Variants in RRP1B observed in about 807,000 individuals in gnomAD.
RRP1B encodes ribosomal RNA processing 1B, also known as ribosomal RNA processing protein 1 homolog B.
A neutral mutation model predicts 80.2 loss-of-function variants in RRP1B; 56 were observed. That is an observed-to-expected ratio of 0.70 (90% CI 0.56 to 0.87). The LOEUF is 0.87. Ranked by LOEUF, RRP1B falls within the 40% of genes least tolerant of loss-of-function variation. The pLI, the probability that RRP1B is intolerant of heterozygous loss-of-function variation, is 0.00. For missense variants in RRP1B, 807 were observed against 939.8 expected (o/e 0.86, Z 1.85); for synonymous variants, 351 against 357.6 (o/e 0.98, Z 0.21).
Position 43,659,990 on chromosome 21 carries a change from G to C in RRP1B, c.130+196G>C, listed in dbSNP as rs2082943457. ...TTACACTTAAGGAAACGGGTTGAGG[G>C]GGTTCCGTTACTTATGAAAGTCACA... is the stretch of plus-strand genomic sequence containing the variant. On this transcript the variant is annotated intron_variant, in intron 1 of 15. Transcript: ENST00000340648. The surrounding 1 kb of genome is among the most constrained non-coding windows in gnomAD (Gnocchi z 4.2). Among the ~76,000 whole-genome samples the C allele has an allele frequency of 6.6e-6, 1 of 152,236 alleles. No homozygotes were observed. The highest frequency in any genetic ancestry group is 1.5e-5 in the Non-Finnish European group (1 of 68,046).
At chr21:43,682,495 G>A (rs2083047309) in intron 8 of RRP1B, among the ~76,000 whole-genome samples, 1 of 152,222 alleles carries the variant, frequency 6.6e-6, no homozygotes, top group Non-Finnish European at 1.5e-5. Context: ...ATATTGACTT[G>A]TGCTTCCTGA....
rs1332492737 is a variant in RRP1B, at chr21:43,669,879, T to C, written c.131-5T>C. 1.9e-6 allele frequency: 3 copies of C among 1,610,002 alleles called. No individual in the cohort carries two copies. The highest frequency in any genetic ancestry group is 1.7e-6 in the Non-Finnish European group (2 of 1,176,744). On this transcript the variant is annotated splice_region_variant and splice_polypyrimidine_tract_variant and intron_variant, in intron 1 of 15. Coordinates refer to ENST00000340648, the MANE Select transcript of RRP1B (RefSeq NM_015056.3). ...CTAAGATGTTTGTATTGTTTTGCCT[T>C]CCAGGAGGTTTCAGTCAGGAAGAAC...
In RRP1B at chr21:43,659,910, G is replaced by A. The variant is rs1340612756; in HGVS notation, c.130+116G>A. The A allele has an allele frequency of 1.7e-6, 2 of 1,175,442 alleles. No individual in the cohort carries two copies. Among genetic ancestry groups the A allele is most frequent in the Non-Finnish European group, 1.1e-6 (1 of 898,656 alleles). The allele number at this position is 1,175,442 out of a possible 1,614,324, so 72.8% of individuals were successfully genotyped here. A position where few individuals can be genotyped will look rare whatever the true frequency, so the allele number is the denominator to read the frequency against. On this transcript the variant is annotated intron_variant, in intron 1 of 15. Transcript: ENST00000340648. The surrounding 1 kb of genome is among the most constrained non-coding windows in gnomAD (Gnocchi z 4.2). The stretch of plus-strand genomic sequence containing the variant: ...TCCACGTGTTGTCGTGACACCCAGC[G>A]TGTGCTTCGGTTTCCGCGCTGCCGG...
rs1450465894 is a variant in RRP1B at position 43,673,900 on chromosome 21, C to T, written c.302C>T (p.Thr101Ile). Residue 101 changes from threonine (T) to isoleucine (I), a missense_variant, in exon 4 of 16, where the codon ACC (threonine) becomes ATC (isoleucine). Coordinates refer to ENST00000340648, the MANE Select transcript of RRP1B (RefSeq NM_015056.3). ...QHLFIQTFWQ[T>I]MNREWKGIDR... ...CTGTTCATTCAGACCTTTTGGCAAA[C>T]CATGAATCGAGAATGGAAAGGAATA... 1.2e-6 allele frequency: 2 copies of T among 1,613,534 alleles called. No individual in the cohort carries two copies. Among genetic ancestry groups the T allele is most frequent in the Non-Finnish European group, 1.7e-6 (2 of 1,179,752 alleles).
chr21:43,690,353 G>A lies in RRP1B; in HGVS notation c.1932G>A (p.Lys644=), dbSNP rs774082800. The change falls in exon 14 of 16, where the codon AAG becomes AAA. Residue 644 remains lysine, a synonymous_variant. Coordinates refer to ENST00000340648, the MANE Select transcript of RRP1B (RefSeq NM_015056.3). ...QKLRAESDFV[K]FDTPFLPKPL... ...TGAGGGCAGAGAGCGACTTTGTGAA[G>A]TTTGACACCCCCTTCTTACCAAAGC... 137 of 1,614,230 alleles carry A rather than the reference G, an allele frequency of 8.5e-5. No individual in the cohort carries two copies. Among genetic ancestry groups the A allele is most frequent in the Middle Eastern group, 4.9e-4 (3 of 6,062 alleles).
In RRP1B at chr21:43,691,292, T is replaced by G. The variant is rs1436164702; in HGVS notation, c.2020-147T>G. The stretch of plus-strand genomic sequence containing the variant: ...GGGTCGGTTTCAGTCTTGGCCGCAG[T>G]CCCTTTGGCCTCTCCCTATATGTGC... On this transcript the variant is annotated intron_variant, in intron 14 of 15. Coordinates refer to ENST00000340648, the MANE Select transcript of RRP1B (RefSeq NM_015056.3). The surrounding 1 kb of genome is among the most constrained non-coding windows in gnomAD (Gnocchi z 4.2). 2 of 653,496 alleles carry G rather than the reference T, an allele frequency of 3.1e-6. No homozygotes were observed. The highest frequency in any genetic ancestry group is 3.6e-5 in the African/African-American group (2 of 54,948). 40.5% of individuals were successfully genotyped at this position (653,496 alleles called of 1,614,324 possible).
rs766647950 is a variant in RRP1B at position 43,687,913 on chromosome 21, C to T, written c.1539C>T (p.Ser513=). The change falls in exon 13 of 16, where the codon TCC becomes TCT. Residue 513 remains serine (S), a synonymous_variant. Coordinates refer to ENST00000340648, the MANE Select transcript of RRP1B (RefSeq NM_015056.3). ...SGSHPQGPRG[S]PTGGAQLLKR... ...GTCATCCTCAGGGACCTAGAGGGTC[C>T]CCGACAGGTGGAGCCCAACTCCTAA... 6.2e-7 allele frequency: 1 copy of T among 1,613,272 alleles called. No individual in the cohort carries two copies. The highest frequency in any genetic ancestry group is 1.3e-5 in the African/African-American group (1 of 75,078).
In RRP1B at chr21:43,690,429, C is replaced by G. The variant is rs376540605; in HGVS notation, c.2008C>G (p.Pro670Ala). The stretch of plus-strand genomic sequence containing the variant: ...CAGCACTGCCACCCACCCTCCAGGC[C>G]CTGCCGTCCAGGTACGCACCCTCCC... Reference protein sequence around the residue: ...KSSTATHPPGPAVQLNKTPSS... With the variant: ...KSSTATHPPGAAVQLNKTPSS... The change falls in exon 14 of 16, where the codon CCT (proline) becomes GCT (alanine). Residue 670 changes from proline to alanine, a missense_variant. By Grantham distance (27) the Pro-to-Ala change is conservative. Transcript: ENST00000340648. 2.5e-6 allele frequency: 4 copies of G among 1,613,932 alleles called. No individual in the cohort carries two copies. In the African/African-American group the frequency reaches 5.3e-5, roughly 22 times the overall value.
rs367983813 is a variant in RRP1B at position 43,687,760 on chromosome 21, T to C, written c.1386T>C (p.His462=). 1.9e-6 allele frequency: 3 copies of C among 1,612,936 alleles called. No individual in the cohort carries two copies. Among genetic ancestry groups the C allele is most frequent in the Non-Finnish European group, 2.5e-6 (3 of 1,179,970 alleles). The stretch of plus-strand genomic sequence containing the variant: ...CTGGGGAGGAGAGTGGCTCCGAGCA[T>C]CCTCCAGCCGTCCCCATGCACAATA... ...SSTGEESGSE[H]PPAVPMHNKR... The change falls in exon 13 of 16, where the codon CAT becomes CAC. Residue 462 remains histidine (H), a synonymous_variant. Coordinates refer to ENST00000340648, the MANE Select transcript of RRP1B (RefSeq NM_015056.3).
At chr21:43,669,533 G>A (rs769297685) in intron 1 of RRP1B, among the ~76,000 whole-genome samples, 6 of 152,170 alleles carry the variant, frequency 3.9e-5, no homozygotes, top group African/African-American at 7.2e-5. Context: ...CAAGACCAGC[G>A]AAAATGTCAG....
chr21:43,692,769 A>ACT (rs4052138), intron 15 of RRP1B, among the ~76,000 whole-genome samples: 9,491 of 151,860 alleles, frequency 0.062, 953 homozygotes, highest in African/African-American at 0.21. Flanking sequence ...GGGAGAAGAG[A>ACT]CTCTGAGAGA....
chr21:43,673,508 C>T (rs368370852), intron 3 of RRP1B, among the ~76,000 whole-genome samples: 24 of 151,918 alleles, frequency 1.6e-4, no homozygotes, highest in African/African-American at 5.8e-4. Context: ...GTGGTGCACA[C>T]CTGTAATCCC....
rs149741878 is a variant in RRP1B, at chr21:43,669,577, G to A, written c.131-307G>A. ...ATGGCTGCACGTGGTGGGCGGGGAG[G>A]GCGTTGATGAGGAGCCGATTTCATA... On this transcript the variant is annotated intron_variant, in intron 1 of 15. Coordinates refer to ENST00000340648, the MANE Select transcript of RRP1B (RefSeq NM_015056.3). Among the ~76,000 whole-genome samples, 852 of 152,258 alleles carry A rather than the reference G, an allele frequency of 5.6e-3. 10 individuals are homozygous for A. The highest frequency in any genetic ancestry group is 0.019 in the African/African-American group (808 of 41,546).
chr21:43,661,637 C>T (rs751407828), intron 1 of RRP1B, among the ~76,000 whole-genome samples: 3 of 152,204 alleles, frequency 2.0e-5, no homozygotes, highest in Non-Finnish European at 4.4e-5. Flanking sequence ...CTTGTGTCCC[C>T]AGGAATCTGT....
intron 6 of RRP1B, 112 bp downstream of exon 6, chr21:43,675,275 C>T (rs921372229): frequency 2.8e-5 from 27 of 978,122 alleles, no homozygotes; most frequent in Non-Finnish European, 3.7e-5. Flanking sequence ...ACTGTAGCAG[C>T]GTGAATTGCT....
chr21:43,684,713 G>A lies in RRP1B; in HGVS notation c.989+63G>A. On this transcript the variant is annotated intron_variant, in intron 10 of 15. Coordinates refer to ENST00000340648, the MANE Select transcript of RRP1B (RefSeq NM_015056.3). ...CTTTAGTTCTCATCTCCTGGTGTGGGACAAGCCATCTGCATGCTTATCTTT... is the reference window on the plus strand; with the variant it reads ...CTTTAGTTCTCATCTCCTGGTGTGGAACAAGCCATCTGCATGCTTATCTTT... 4.5e-6 allele frequency: 6 copies of A among 1,344,400 alleles called. 1 individual carries two copies. Among genetic ancestry groups the A allele is most frequent in the Non-Finnish European group, 6.4e-6 (6 of 938,278 alleles). The allele number at this position is 1,344,400 out of a possible 1,614,324, so 83.3% of individuals were successfully genotyped here.
Position 43,687,622 on chromosome 21 carries a change from A to G in RRP1B, c.1248A>G (p.Pro416=), listed in dbSNP as rs931675384. The G allele has an allele frequency of 1.3e-6, 2 of 1,536,198 alleles. No individual in the cohort carries two copies. The highest frequency in any genetic ancestry group is 1.3e-5 in the South Asian group (1 of 79,132). ...ACCTGCAGCCTGAAAATCCAGGCCC[A>G]GGGGGTGCAGCCCCATCCCTGGAAC... The part of the protein sequence containing the change: ...KHHLQPENPG[P]GGAAPSLEQN... Residue 416 remains proline (P), a synonymous_variant, in exon 13 of 16, where the codon CCA becomes CCG. Coordinates refer to ENST00000340648, the MANE Select transcript of RRP1B (RefSeq NM_015056.3).
At chr21:43,676,243 C>T in intron 6 of RRP1B, 29 bp from the exon 7 acceptor site, 1 of 1,533,202 alleles carries the variant, frequency 6.5e-7, no homozygotes, top group Non-Finnish European at 9.0e-7. Flanking sequence ...AAGGCTCTTT[C>T]TCAATTTTTC....
At position 43,691,862 on chromosome 21, in the gene RRP1B, G is replaced by T. The variant is rs867273622; in HGVS notation, c.2083+360G>T. 9.2e-5 allele frequency among the ~76,000 whole-genome samples: 14 copies of T among 152,124 alleles called. No homozygotes were observed. In the East Asian group the frequency reaches 1.4e-3, roughly 15 times the overall value. ...GAGTTTCACCATGTCAGCCAGGCTG[G>T]TCTCAAACTCCTGACCTCAGGTGAT... On this transcript the variant is annotated intron_variant, in intron 15 of 15. Transcript: ENST00000340648. This position sits in a 1 kb window ranked among gnomAD's most constrained non-coding sequence, Gnocchi z 4.2.
Sources: gnomAD v4.1 joint callset for allele counts (sites outside exome capture counted in the v4.1 genomes callset) on GRCh38, gnomAD v4.1.1 for gene constraint, Gnocchi (gnomAD v3.1) non-coding constraint, MANE v1.5 for transcripts, NCBI Gene and HGNC (gene_info 2026-07-23, HGNC 2026-07-21) for gene names.